GLRA2: variants seen among roughly 807,000 people sequenced by gnomAD.
The protein encoded by GLRA2 is glycine receptor subunit alpha-2.
GLRA2 carries 11 observed loss-of-function variants against 31.6 expected under a neutral mutation model. That is an observed-to-expected ratio of 0.35 (90% CI 0.22 to 0.58). The LOEUF (loss-of-function observed/expected upper bound fraction) is 0.58, where lower values mean the gene tolerates loss of function less well. Among genes scored for constraint, GLRA2 ranks in the 20% least tolerant of loss-of-function variants. The pLI is 0.84. For synonymous variants in GLRA2, 132 were observed against 134.0 expected, an observed-to-expected ratio of 0.99 and a Z score of 0.10; for missense variants, 212 against 351.8, an observed-to-expected ratio of 0.60 and a Z score of 3.18.
chrX:14,694,969 G>C lies in GLRA2; in HGVS notation c.1080+4110G>C, dbSNP rs968937662. Among the ~76,000 whole-genome samples the C allele has an allele frequency of 8.0e-5, 9 of 112,133 alleles. No homozygotes were observed. In the South Asian group the frequency reaches 1.1e-3, roughly 14 times the overall value. ...CAAGCGCAGATTTGGAGTGGAACTT[G>C]AGTCACATTTTTATGCTCTTAAGTT... On this transcript the variant is annotated intron_variant, in intron 8 of 8. Transcript: ENST00000218075.
At chrX:14,469,874 T>C in the GLRA2 span, among the ~76,000 whole-genome samples, 1 of 110,836 alleles carries the variant, frequency 9.0e-6, no homozygotes, top group Non-Finnish European at 1.9e-5. Flanking sequence ...AAAGCTAATA[T>C]TATTTTTAGT....
In GLRA2 at chrX:14,730,502, C is replaced by G. The variant is rs752535220; in HGVS notation, c.*17C>G. ...AAGAAATAGATGTGCCCTACAGACC[C>G]TGGGACCTTCTTGCCTCAGTGTTGT... On this transcript the variant is annotated 3_prime_UTR_variant, in exon 9 of 9. Coordinates refer to ENST00000218075, the MANE Select transcript of GLRA2 (RefSeq NM_002063.4). 4.4e-6 allele frequency: 5 copies of G among 1,130,154 alleles called. No individual in the cohort carries two copies. The highest frequency in any genetic ancestry group is 2.3e-5 in the Admixed American group (1 of 43,242). The allele number at this position is 1,130,154 out of a possible 1,213,427, so 93.1% of individuals were successfully genotyped here. A position where few individuals can be genotyped will look rare whatever the true frequency, so the allele number is the denominator to read the frequency against.
the GLRA2 span, among the ~76,000 whole-genome samples, chrX:14,486,849 T>A: frequency 2.7e-5 from 3 of 111,432 alleles, no homozygotes; most frequent in Non-Finnish European, 5.7e-5. Flanking sequence ...TTATAAAACA[T>A]CCAAAAACAT....
chrX:14,649,042 C>T (rs1232954157), intron 7 of GLRA2, among the ~76,000 whole-genome samples: 1 of 110,419 alleles, frequency 9.1e-6, no homozygotes. Flanking sequence ...GGTGAAACCC[C>T]GTCTCTACTA....
the GLRA2 span, among the ~76,000 whole-genome samples, chrX:14,499,888 G>A: frequency 9.0e-6 from 1 of 110,715 alleles, no homozygotes; most frequent in East Asian, 2.8e-4. Flanking sequence ...AATTTATTCA[G>A]GTCTTTTGCC....
intron 8 of GLRA2, among the ~76,000 whole-genome samples, chrX:14,702,274 A>G (rs753635486): frequency 7.2e-5 from 8 of 111,798 alleles, no homozygotes; most frequent in East Asian, 5.7e-4. Context: ...GAATGCTACA[A>G]TCAGATTGGA....
intron 7 of GLRA2, among the ~76,000 whole-genome samples, chrX:14,668,757 A>G (rs972139900): frequency 8.9e-6 from 1 of 111,881 alleles, no homozygotes; most frequent in South Asian, 3.8e-4. Flanking sequence ...CCATGATTCA[A>G]TTACCTCCCA....
At chrX:14,636,777 T>A (rs1430484927) in intron 7 of GLRA2, among the ~76,000 whole-genome samples, 2 of 112,295 alleles carry the variant, frequency 1.8e-5, no homozygotes, top group Admixed American at 1.9e-4. Context: ...AACTGTATTA[T>A]CTTTACAACT....
In GLRA2 at chrX:14,720,893, A is replaced by G. The variant is rs778336801; in HGVS notation, c.1081-9314A>G. ...ATGCCTGTCATTCCAGCATTTTAGGAGACCAAGATGGGAGGATTGCTTGAG... is the reference window on the plus strand; with the variant it reads ...ATGCCTGTCATTCCAGCATTTTAGGGGACCAAGATGGGAGGATTGCTTGAG... On this transcript the variant is annotated intron_variant, in intron 8 of 8. Coordinates refer to ENST00000218075, the MANE Select transcript of GLRA2 (RefSeq NM_002063.4). Among the ~76,000 whole-genome samples the G allele has an allele frequency of 5.1e-4, 57 of 110,894 alleles. 1 individual carries two copies. The highest frequency in any genetic ancestry group is 4.6e-3 in the Middle Eastern group (1 of 217).
chrX:14,457,827 G>A, the GLRA2 span, among the ~76,000 whole-genome samples: 1 of 110,953 alleles, frequency 9.0e-6, no homozygotes, highest in Non-Finnish European at 1.9e-5. Flanking sequence ...CAGTGTAAAA[G>A]TGTTCCTATT....
the GLRA2 span, among the ~76,000 whole-genome samples, chrX:14,460,341 G>A: frequency 9.0e-6 from 1 of 111,559 alleles, no homozygotes. Context: ...CTCTTTTTTT[G>A]TTGTGTCTCT....
chrX:14,629,545 C>A lies in GLRA2; in HGVS notation c.930+20340C>A, dbSNP rs761463371. ...GACCATCAGCCTTTGGCAGAAAACA[C>A]CACTCAGGGGTTTTTAAATTGAGAT... is the stretch of plus-strand genomic sequence containing the variant. On this transcript the variant is annotated intron_variant, in intron 7 of 8. Coordinates refer to ENST00000218075, the MANE Select transcript of GLRA2 (RefSeq NM_002063.4). Among the ~76,000 whole-genome samples the A allele has an allele frequency of 1.8e-4, 20 of 111,422 alleles. No homozygotes were observed. The East Asian group carries it at 4.8e-3, about 27-fold the overall frequency.
chrX:14,458,332 C>A, the GLRA2 span, among the ~76,000 whole-genome samples: 234 of 111,540 alleles, frequency 2.1e-3, 1 homozygote, highest in African/African-American at 7.3e-3. Context: ...CAATAAACAT[C>A]CGTGTGCATG....
chrX:14,716,853 T>C (rs2091793763), intron 8 of GLRA2, among the ~76,000 whole-genome samples: 1 of 111,374 alleles, frequency 9.0e-6, no homozygotes, highest in African/African-American at 3.3e-5. Context: ...GAAAGTCTTT[T>C]TCAGAATAGG....
chrX:14,643,116 C>T (rs1409742434), intron 7 of GLRA2, among the ~76,000 whole-genome samples: 4 of 111,642 alleles, frequency 3.6e-5, no homozygotes, highest in East Asian at 2.8e-4. Flanking sequence ...TGGATGACAG[C>T]GATCAGGGAA....
intron 2 of GLRA2, among the ~76,000 whole-genome samples, chrX:14,553,204 A>AGGTGGC (rs1400275986): frequency 3.6e-4 from 40 of 112,312 alleles, no homozygotes; most frequent in African/African-American, 1.2e-3. Flanking sequence ...GTCTAACAAT[A>AGGTGGC]CAAAATGTGG....
chrX:14,483,215 G>C, the GLRA2 span, among the ~76,000 whole-genome samples: 6 of 111,676 alleles, frequency 5.4e-5, no homozygotes, highest in East Asian at 1.7e-3. Context: ...AAAATAGAAA[G>C]CTCTCTCTTG....
Position 14,581,234 on chromosome X carries a change from G to A in GLRA2, c.322G>A (p.Ala108Thr). The change falls in exon 4 of 9, where the codon GCG becomes ACG. Residue 108 changes from alanine to threonine, a missense_variant. Ala to Thr is a moderately conservative substitution (Grantham distance 58). Transcript: ENST00000218075. ...LRQQWNDSRL[A>T]YSEYPDDSLD... is the part of the protein sequence containing the mutation. ...ACAACAGTGGAATGATTCACGGCTG[G>A]CGTACAGTGAGTACCCAGATGACTC... The A allele has an allele frequency of 8.4e-7, 1 of 1,193,817 alleles. No individual in the cohort carries two copies.
At chrX:14,531,175 G>T in intron 1 of GLRA2, 5 of 925,582 alleles carry the variant, frequency 5.4e-6, no homozygotes, top group African/African-American at 4.0e-5. Context: ...CTGCATATGA[G>T]AATGTGAGTA....
Sources: allele counts gnomAD v4.1 joint callset (sites outside exome capture counted in the v4.1 genomes callset), GRCh38; gene constraint gnomAD v4.1.1; transcripts MANE v1.5; gene names NCBI Gene and HGNC (gene_info 2026-07-23, HGNC 2026-07-21).